MLPH: variants seen among roughly 807,000 people sequenced by gnomAD.
The protein encoded by MLPH is exophilin-3.
A neutral mutation model predicts 72.1 loss-of-function variants in MLPH; 51 were observed. The ratio of observed to expected loss-of-function variants is 0.71; its 90% confidence interval spans 0.56 to 0.89. The LOEUF (loss-of-function observed/expected upper bound fraction) is 0.89, where lower values mean the gene tolerates loss of function less well. Among genes scored for constraint, MLPH ranks in the 40% least tolerant of loss-of-function variants. The pLI is 0.00. For missense variants in MLPH, 743 were observed against 759.9 expected, an observed-to-expected ratio of 0.98 and a Z score of 0.26; for synonymous variants, 301 against 310.1, an observed-to-expected ratio of 0.97 and a Z score of 0.31.
At chr2:237,518,914 G>C (rs1379400026) in intron 5 of MLPH, among the ~76,000 whole-genome samples, 1 of 152,218 alleles carries the variant, frequency 6.6e-6, no homozygotes, top group Non-Finnish European at 1.5e-5. Context: ...TGTGGCCAGA[G>C]TCTGGGGGCA....
rs115732767 is a variant in MLPH, at chr2:237,496,366, A to G, written c.110+2830A>G. Among the ~76,000 whole-genome samples, 410 of 152,250 alleles carry G rather than the reference A, an allele frequency of 2.7e-3. 2 individuals are homozygous for G. The highest frequency in any genetic ancestry group is 0.017 in the Middle Eastern group (5 of 294). Reference sequence around the variant, plus strand: ...GTCCGCCCTGCTCCAGTCCAGGCTTATCTGAAGCGGGTTTAGCAGAAACCC... The same window carrying G: ...GTCCGCCCTGCTCCAGTCCAGGCTTGTCTGAAGCGGGTTTAGCAGAAACCC... On this transcript the variant is annotated intron_variant, in intron 2 of 15. Coordinates refer to ENST00000264605, the MANE Select transcript of MLPH (RefSeq NM_024101.7).
At chr2:237,532,332 G>A (rs1269198028) in intron 8 of MLPH, among the ~76,000 whole-genome samples, 1 of 152,240 alleles carries the variant, frequency 6.6e-6, no homozygotes, top group East Asian at 1.9e-4. Context: ...TTCCCGACGA[G>A]GGGTAAAGAC....
chr2:237,540,539 A>T lies in MLPH; in HGVS notation c.1290+6A>T. The T allele has an allele frequency of 6.2e-7, 1 of 1,608,896 alleles. No homozygotes were observed. Among genetic ancestry groups the T allele is most frequent in the Non-Finnish European group, 8.5e-7 (1 of 1,178,918 alleles). ...TCCCCCAGGCGGACCCGGAGGTAAG[A>T]CTATCCCCCAGAGGTCTCAGCAGGA... On this transcript the variant is annotated splice_donor_region_variant and intron_variant, in intron 10 of 15. Coordinates refer to ENST00000264605, the MANE Select transcript of MLPH (RefSeq NM_024101.7).
chr2:237,545,184 AGGGCACAGTGGTGAGT>A (rs1339000668), intron 12 of MLPH, among the ~76,000 whole-genome samples: 109 of 3,356 alleles, frequency 0.032, 4 homozygotes, highest in Admixed American at 0.051. Context: ...TGGTGAGTGG[AGGGCACAGTGGTGAGT>A]GGGGACAGTG....
intron 4 of MLPH, among the ~76,000 whole-genome samples, chr2:237,513,560 GT>G (rs966434486): frequency 6.6e-6 from 1 of 152,050 alleles, no homozygotes; most frequent in Non-Finnish European, 1.5e-5. Flanking sequence ...AATTTTTTTG[GT>G]TTTTTTCTTT....
intron 8 of MLPH, among the ~76,000 whole-genome samples, chr2:237,533,390 CTTTTTTTTT>C (rs746139615): frequency 9.3e-6 from 1 of 108,008 alleles, no homozygotes. Flanking sequence ...ATTTTCTTTT[CTTTTTTTTT>C]TTTTTTTTTT....
chr2:237,535,432 G>A (rs954749718), intron 9 of MLPH, among the ~76,000 whole-genome samples: 11 of 151,974 alleles, frequency 7.2e-5, no homozygotes, highest in Non-Finnish European at 1.5e-4. Context: ...ACAGCACACC[G>A]AGACAACCTG....
At chr2:237,497,958 G>T (rs2079569356) in intron 2 of MLPH, among the ~76,000 whole-genome samples, 1 of 152,316 alleles carries the variant, frequency 6.6e-6, no homozygotes, top group South Asian at 2.1e-4. Flanking sequence ...TAGCAATTCA[G>T]GAGCCGCCCA....
chr2:237,547,812 G>A (rs1195402192), intron 13 of MLPH, among the ~76,000 whole-genome samples: 1 of 151,776 alleles, frequency 6.6e-6, no homozygotes, highest in East Asian at 1.9e-4. Flanking sequence ...GGTAGGAGCA[G>A]TGCACAGAGG....
rs114004571 is a variant in MLPH at position 237,545,362 on chromosome 2, A to C, written c.1540-1244A>C. 2.3e-3 allele frequency: 2,358 copies of C among 1,045,700 alleles called. 31 individuals are homozygous for C. In the African/African-American group the frequency reaches 0.034, roughly 15 times the overall value. 64.8% of individuals were successfully genotyped at this position (1,045,700 alleles called of 1,614,324 possible). Reference sequence around the variant, plus strand: ...TGGGCCCCCCACCTCCCTTCCCGTGAACATCCGGCCTGAGTTTCCTCATAG... The same window carrying C: ...TGGGCCCCCCACCTCCCTTCCCGTGCACATCCGGCCTGAGTTTCCTCATAG... On this transcript the variant is annotated intron_variant, in intron 12 of 15. Coordinates refer to ENST00000264605, the MANE Select transcript of MLPH (RefSeq NM_024101.7).
chr2:237,510,438 T>C lies in MLPH; in HGVS notation c.111-136T>C. On this transcript the variant is annotated intron_variant, in intron 2 of 15. Coordinates refer to ENST00000264605, the MANE Select transcript of MLPH (RefSeq NM_024101.7). This position sits in a 1 kb window ranked among gnomAD's most constrained non-coding sequence, Gnocchi z 4.4. ...GCTTTGCCCAACGTTGGGTCACTGT[T>C]TTCTGCATAGGAGACAGTTACTGTG... 1.1e-6 allele frequency: 1 copy of C among 943,852 alleles called. No homozygotes were observed. Among genetic ancestry groups the C allele is most frequent in the Non-Finnish European group, 1.7e-6 (1 of 596,474 alleles). The allele number at this position is 943,852 out of a possible 1,614,324, so 58.5% of individuals were successfully genotyped here.
In MLPH at chr2:237,552,344, T is replaced by C. The variant is rs773320608; in HGVS notation, c.1683T>C (p.Asp561=). Reference sequence around the variant, plus strand: ...TTCCTGTTTTCCCCAAAGGTAAAGATGATGATTCTTTTGATCGGAAATCAG... The same window carrying C: ...TTCCTGTTTTCCCCAAAGGTAAAGACGATGATTCTTTTGATCGGAAATCAG... The part of the protein sequence containing the change: ...FSNSLKSQGK[D]DDSFDRKSVY... The change falls in exon 15 of 16, where the codon GAT becomes GAC. Residue 561 remains aspartate, a synonymous_variant. Coordinates refer to ENST00000264605, the MANE Select transcript of MLPH (RefSeq NM_024101.7). 1 of 1,614,024 alleles carries C rather than the reference T, an allele frequency of 6.2e-7. No homozygotes were observed. Among genetic ancestry groups the C allele is most frequent in the Admixed American group, 1.7e-5 (1 of 60,014 alleles).
rs1043615273 is a variant in MLPH, at chr2:237,510,616, G to A, written c.153G>A (p.Glu51=). 1 of 1,613,650 alleles carries A rather than the reference G, an allele frequency of 6.2e-7. No individual in the cohort carries two copies. Among genetic ancestry groups the A allele is most frequent in the Non-Finnish European group, 8.5e-7 (1 of 1,180,030 alleles). The change falls in exon 3 of 16, where the codon GAG becomes GAA. Residue 51 remains glutamate, a synonymous_variant. Coordinates refer to ENST00000264605, the MANE Select transcript of MLPH (RefSeq NM_024101.7). This position sits in a 1 kb window ranked among gnomAD's most constrained non-coding sequence, Gnocchi z 4.4. ...GKIKKESSKR[E]LLSDTAHLNE... is the part of the protein sequence containing the mutation. The stretch of plus-strand genomic sequence containing the variant: ...TTAAGAAGGAAAGCTCCAAGAGGGA[G>A]CTGCTTTCCGACACTGCCCATCTGA...
At chr2:237,546,928 G>A (rs2106407913) in intron 13 of MLPH, among the ~76,000 whole-genome samples, 1 of 152,332 alleles carries the variant, frequency 6.6e-6, no homozygotes, top group East Asian at 1.9e-4. Context: ...CCCAGTAGGG[G>A]AGCGGGAAAG....
At chr2:237,502,931 C>G (rs2079682200) in intron 2 of MLPH, among the ~76,000 whole-genome samples, 1 of 152,098 alleles carries the variant, frequency 6.6e-6, no homozygotes, top group South Asian at 2.1e-4. Context: ...CCAGCCTGGT[C>G]AGCATGGCGA....
chr2:237,518,380 G>A (rs1056613093), intron 4 of MLPH, 159 bp from the exon 5 acceptor site: 4 of 711,314 alleles, frequency 5.6e-6, no homozygotes, highest in Non-Finnish European at 7.8e-6. Context: ...GGTAGATGGA[G>A]GGATACATTG....
At chr2:237,552,183 A>G in intron 14 of MLPH, 154 bp from the exon 15 acceptor site, 2 of 641,212 alleles carry the variant, frequency 3.1e-6, no homozygotes, top group Non-Finnish European at 5.6e-6. Flanking sequence ...GCTGAAATGT[A>G]AATACTTTTT....
intron 1 of MLPH, among the ~76,000 whole-genome samples, chr2:237,488,842 T>C (rs2079372574): frequency 6.6e-6 from 1 of 152,150 alleles, no homozygotes; most frequent in African/African-American, 2.4e-5. Flanking sequence ...TCAACCACAA[T>C]GCAATAACGG....
intron 9 of MLPH, among the ~76,000 whole-genome samples, chr2:237,538,389 C>T (rs182157015): frequency 8.6e-4 from 131 of 152,278 alleles, no homozygotes; most frequent in Non-Finnish European, 1.5e-3. Flanking sequence ...GGCGACAGGA[C>T]GGATGGGTCT....
Sources: allele counts gnomAD v4.1 joint callset (sites outside exome capture counted in the v4.1 genomes callset), GRCh38; gene constraint gnomAD v4.1.1; non-coding constraint Gnocchi (gnomAD v3.1); transcripts MANE v1.5; gene names NCBI Gene and HGNC (gene_info 2026-07-23, HGNC 2026-07-21).